Variants in ACAA1 observed in about 807,000 individuals in gnomAD.
The protein encoded by ACAA1 is acetyl-CoA acyltransferase 1.
A neutral mutation model predicts 48.8 loss-of-function variants in ACAA1; 44 were observed. That is an observed-to-expected ratio of 0.90 (90% CI 0.71 to 1.16). The LOEUF is 1.16. Among genes scored for constraint, ACAA1 ranks in the 50% most tolerant of loss-of-function variants. ACAA1 has a pLI of 0.00. For synonymous variants in ACAA1, 233 were observed against 226.5 expected (o/e 1.03, Z -0.26); for missense variants, 512 against 562.3 (o/e 0.91, Z 0.90).
chr3:38,132,060 A>G, intron 3 of ACAA1, 55 bp from the exon 4 acceptor site: 1 of 1,522,648 alleles, frequency 6.6e-7, no homozygotes, highest in Non-Finnish European at 9.1e-7. Flanking sequence ...CCAGGCTCTC[A>G]TGGAAAGCAG....
rs751653410 is a variant in ACAA1 at position 38,129,336 on chromosome 3, G to A, written c.499C>T (p.Arg167Cys). ...DRGNPGNITS[R>C]LMEKEKARDC... The stretch of plus-strand genomic sequence containing the variant: ...CTGGCCTTCTCCTTCTCCATCAAGC[G>A]CGAAGTAATATTTCCAGGGTTCCCT... The change falls in exon 6 of 12, where the codon CGC becomes TGC. Residue 167 changes from arginine (R) to cysteine (C), a missense_variant. By Grantham distance (180) the Arg-to-Cys change is radical (BLOSUM62 -3). Coordinates refer to ENST00000333167, the MANE Select transcript of ACAA1 (RefSeq NM_001607.4). The surrounding 1 kb of genome is among the most constrained non-coding windows in gnomAD (Gnocchi z 5.3). 2.9e-5 allele frequency: 47 copies of A among 1,613,988 alleles called. No homozygotes were observed. The highest frequency in any genetic ancestry group is 1.2e-4 in the Admixed American group (7 of 60,000).
chr3:38,136,124 T>A (rs529891070), intron 2 of ACAA1, among the ~76,000 whole-genome samples: 1 of 152,332 alleles, frequency 6.6e-6, no homozygotes, highest in Admixed American at 6.5e-5. Context: ...CAAACCTTGA[T>A]TCAATACAGC....
rs764516404 is a variant in ACAA1, at chr3:38,136,974, G to A, written c.62C>T (p.Pro21Leu). Residue 21 changes from proline (P) to leucine (L), a missense_variant, in exon 1 of 12, where the codon CCG (proline) becomes CTG (leucine). Pro to Leu is a moderately conservative substitution (Grantham distance 98). Transcript: ENST00000333167. ...LRGPADSGWM[P>L]QAAPCLSGAP... Reference sequence around the variant, plus strand: ...ACCGCTCAGGCAAGGCGCGGCCTGCGGCATCCAGCCGGAATCGGCCGGACC... The same window carrying A: ...ACCGCTCAGGCAAGGCGCGGCCTGCAGCATCCAGCCGGAATCGGCCGGACC... The A allele has an allele frequency of 1.9e-6, 3 of 1,557,522 alleles. No homozygotes were observed. The highest frequency in any genetic ancestry group is 3.6e-4 in the Middle Eastern group (2 of 5,608).
chr3:38,136,448 A>T, intron 2 of ACAA1, 144 bp downstream of exon 2: 1 of 763,516 alleles, frequency 1.3e-6, no homozygotes, highest in Non-Finnish European at 2.2e-6. Flanking sequence ...AGAAATACCC[A>T]CAGGTGTGAA....
chr3:38,125,982 C>T (rs1575258789), intron 9 of ACAA1, 101 bp from the exon 10 acceptor site: 1 of 1,564,468 alleles, frequency 6.4e-7, no homozygotes, highest in Non-Finnish European at 8.8e-7. Flanking sequence ...TGTGTCTCTT[C>T]CAGAAGGGTG....
chr3:38,132,170 G>A, intron 3 of ACAA1, 165 bp from the exon 4 acceptor site: 2 of 545,192 alleles, frequency 3.7e-6, no homozygotes, highest in Non-Finnish European at 3.3e-6. Flanking sequence ...GAATGGGGGT[G>A]AGCAGCTACT....
chr3:38,123,061 A>G lies in ACAA1; in HGVS notation c.1261T>C (p.Tyr421His), dbSNP rs1700570758. ...TGGGACCTCACTCAGTTCCCAGGGT[A>G]TTCAAAGACGGCAGCGGCTCCCATT... ...TGMGAAAVFE[Y>H]PGN is the part of the protein sequence containing the mutation. The change falls in exon 12 of 12, where the codon TAC becomes CAC. Residue 421 changes from tyrosine to histidine, a missense_variant. By Grantham distance (83) the Tyr-to-His change is moderately conservative. Transcript: ENST00000333167. 6.2e-6 allele frequency: 10 copies of G among 1,614,156 alleles called. No homozygotes were observed. The highest frequency in any genetic ancestry group is 2.2e-5 in the East Asian group (1 of 44,888).
intron 6 of ACAA1, among the ~76,000 whole-genome samples, chr3:38,128,533 C>T (rs1214804251): frequency 6.6e-6 from 1 of 152,210 alleles, no homozygotes; most frequent in African/African-American, 2.4e-5. Context: ...GCCCAAAGAC[C>T]CTGGGGATGG....
Position 38,136,657 on chromosome 3 carries a change from G to A in ACAA1, c.200C>T (p.Ala67Val), listed in dbSNP as rs1249375831. 1 of 1,613,604 alleles carries A rather than the reference G, an allele frequency of 6.2e-7. No individual in the cohort carries two copies. Among genetic ancestry groups the A allele is most frequent in the Non-Finnish European group, 8.5e-7 (1 of 1,179,776 alleles). ...GTCCTTGAGAACCGCGGTCATGACT[G>A]CCGAGAGAAGCTCGTCGGGGGTGGT... is the stretch of plus-strand genomic sequence containing the variant. ...KDTTPDELLS[A>V]VMTAVLKDVN... Residue 67 changes from alanine to valine, a missense_variant, in exon 2 of 12, where the codon GCA (alanine) becomes GTA (valine). Ala to Val is a moderately conservative substitution (Grantham distance 64). Transcript: ENST00000333167.
At chr3:38,133,676 A>G in intron 3 of ACAA1, 1 of 509,650 alleles carries the variant, frequency 2.0e-6, no homozygotes, top group Non-Finnish European at 3.5e-6. Flanking sequence ...ATGAGGACAG[A>G]GTCCACACTC....
intron 3 of ACAA1, 131 bp from the exon 4 acceptor site, chr3:38,132,136 C>A: frequency 1.4e-6 from 1 of 723,470 alleles, no homozygotes; most frequent in Non-Finnish European, 2.3e-6. Context: ...AGCAGCTCTG[C>A]TCCCATGCCA....
chr3:38,132,678 T>C (rs1013308320), intron 3 of ACAA1: 1 of 152,148 alleles, frequency 6.6e-6, no homozygotes, highest in Non-Finnish European at 1.5e-5. Context: ...CCTAGGGAAA[T>C]TTCCAGACCT....
chr3:38,126,412 C>A lies in ACAA1; in HGVS notation c.818-71G>T. On this transcript the variant is annotated intron_variant, in intron 8 of 11. Transcript: ENST00000333167. The surrounding 1 kb of genome is among the most constrained non-coding windows in gnomAD (Gnocchi z 4.7). ...GGAGATCCCAGCCCTCCCACTTCTACTTTGCAGAGGGGCCTGGTCTATTCC... is the reference window on the plus strand; with the variant it reads ...GGAGATCCCAGCCCTCCCACTTCTAATTTGCAGAGGGGCCTGGTCTATTCC... 1 of 1,605,726 alleles carries A rather than the reference C, an allele frequency of 6.2e-7. No homozygotes were observed. The highest frequency in any genetic ancestry group is 8.5e-7 in the Non-Finnish European group (1 of 1,174,806).
At chr3:38,123,563 C>T in intron 11 of ACAA1, 1 of 169,372 alleles carries the variant, frequency 5.9e-6, no homozygotes, top group Non-Finnish European at 1.3e-5. Context: ...GGAAGCCTGG[C>T]CTGGTGGCAT....
At chr3:38,125,777 C>G (rs977140646) in intron 10 of ACAA1, 49 bp downstream of exon 10, 4 of 1,614,170 alleles carry the variant, frequency 2.5e-6, no homozygotes, top group Non-Finnish European at 3.4e-6. Flanking sequence ...CCCGCTCACT[C>G]CACCTCGGCT....
intron 2 of ACAA1, among the ~76,000 whole-genome samples, chr3:38,134,884 A>C (rs1039719055): frequency 2.0e-5 from 3 of 152,062 alleles, no homozygotes; most frequent in African/African-American, 7.2e-5. Context: ...ACTGTCCCCC[A>C]GCCCGACACC....
chr3:38,132,273 C>G, intron 3 of ACAA1: 1 of 246,560 alleles, frequency 4.1e-6, no homozygotes, highest in Admixed American at 4.7e-5. Flanking sequence ...AAAGACCAAG[C>G]ACAGCCCAAA....
At chr3:38,136,239 T>C (rs1700889976) in intron 2 of ACAA1, among the ~76,000 whole-genome samples, 1 of 152,160 alleles carries the variant, frequency 6.6e-6, no homozygotes, top group African/African-American at 2.4e-5. Flanking sequence ...TTCTTCTGTC[T>C]TCCTTTTCTA....
intron 2 of ACAA1, 111 bp downstream of exon 2, chr3:38,136,481 C>A: frequency 8.5e-7 from 1 of 1,179,744 alleles, no homozygotes; most frequent in Non-Finnish European, 1.3e-6. Context: ...CTTCAAAGGT[C>A]AAGGCCATGG....
Sources: allele counts gnomAD v4.1 joint callset (sites outside exome capture counted in the v4.1 genomes callset), GRCh38; gene constraint gnomAD v4.1.1; non-coding constraint Gnocchi (gnomAD v3.1); transcripts MANE v1.5; gene names NCBI Gene and HGNC (gene_info 2026-07-23, HGNC 2026-07-21).